The following BNIP1 variants were observed in gnomAD, a reference collection of about 807,000 sequenced individuals.
BNIP1 encodes BCL2 interacting protein 1.
In BNIP1, 25 loss-of-function variants were observed where a neutral mutation model predicts 28.5. The ratio of observed to expected loss-of-function variants is 0.88; its 90% CI spans 0.64 to 1.23. The LOEUF (loss-of-function observed/expected upper bound fraction) is 1.23. Among genes scored for constraint, BNIP1 ranks in the 50% most tolerant of loss-of-function variants. BNIP1 has a pLI of 0.00. For missense variants in BNIP1, 276 were observed against 277.0 expected, an observed-to-expected ratio of 1.00 and a Z score of 0.02; for synonymous variants, 118 against 101.7, an observed-to-expected ratio of 1.16 and a Z score of -0.96.
At chr5:173,157,408 C>G (rs948145685) in intron 3 of BNIP1, among the ~76,000 whole-genome samples, 1 of 151,868 alleles carries the variant, frequency 6.6e-6, no homozygotes, top group African/African-American at 2.4e-5. Context: ...CTATCAACAA[C>G]TGTCAACATT....
intron 2 of BNIP1, chr5:173,151,515 C>G (rs756766974): frequency 1.3e-6 from 2 of 1,562,236 alleles, no homozygotes; most frequent in Non-Finnish European, 1.7e-6. Flanking sequence ...GCCACCACAC[C>G]TGGTCTCTCA....
intron 4 of BNIP1, 121 bp downstream of exon 4, chr5:173,158,966 G>T: frequency 3.0e-6 from 2 of 657,878 alleles, no homozygotes; most frequent in South Asian, 2.8e-5. Context: ...ATTTTTTTAA[G>T]TTTGAAAAAA....
At chr5:173,158,631 C>T (rs1760273194) in intron 3 of BNIP1, 113 bp from the exon 4 acceptor site, 1 of 741,434 alleles carries the variant, frequency 1.3e-6, no homozygotes, top group Non-Finnish European at 2.2e-6. Context: ...GCTCTGAAGG[C>T]CGTGCCTGGT....
intron 5 of BNIP1, among the ~76,000 whole-genome samples, chr5:173,162,222 GTTTA>G (rs1760382456): frequency 6.6e-6 from 1 of 152,156 alleles, no homozygotes; most frequent in South Asian, 2.1e-4. Context: ...TTAGTAAGAT[GTTTA>G]TTTAACCCAT....
intron 1 of BNIP1, 29 bp downstream of exon 1, chr5:173,144,658 CCAGCAGCCCTA>C (rs1210756791): frequency 6.2e-7 from 1 of 1,611,450 alleles, no homozygotes; most frequent in South Asian, 1.1e-5. Context: ...CTGCCGGGCT[CCAGCAGCCCTA>C]ACCCAAGCTC....
At chr5:173,155,466 C>T (rs1370586939) in intron 3 of BNIP1, among the ~76,000 whole-genome samples, 2 of 152,072 alleles carry the variant, frequency 1.3e-5, no homozygotes, top group Non-Finnish European at 2.9e-5. Flanking sequence ...TTTGGGAGGC[C>T]GAGGTGGGCA....
intron 3 of BNIP1, among the ~76,000 whole-genome samples, chr5:173,154,680 G>A (rs892881259): frequency 6.6e-6 from 1 of 152,034 alleles, no homozygotes; most frequent in East Asian, 1.9e-4. Context: ...CCACCATCAC[G>A]CCTGGCTAAT....
intron 5 of BNIP1, among the ~76,000 whole-genome samples, chr5:173,162,513 C>T (rs1251436734): frequency 3.3e-5 from 5 of 152,036 alleles, no homozygotes; most frequent in African/African-American, 1.2e-4. Flanking sequence ...CCTGTAGTCC[C>T]AGCTACTGGG....
intron 2 of BNIP1, among the ~76,000 whole-genome samples, chr5:173,153,522 C>A (rs371045414): frequency 6.6e-6 from 1 of 152,134 alleles, no homozygotes; most frequent in Non-Finnish European, 1.5e-5. Context: ...CCACTGCGCC[C>A]GGCCGAGAAC....
At chr5:173,158,249 C>T (rs1760261270) in intron 3 of BNIP1, among the ~76,000 whole-genome samples, 1 of 152,092 alleles carries the variant, frequency 6.6e-6, no homozygotes, top group African/African-American at 2.4e-5. Context: ...TTATTTCCTA[C>T]AAAGTATATT....
intron 2 of BNIP1, among the ~76,000 whole-genome samples, chr5:173,150,161 G>A (rs1759975565): frequency 6.6e-6 from 1 of 151,994 alleles, no homozygotes; most frequent in African/African-American, 2.4e-5. Context: ...GGGTGGCTGA[G>A]GCATGAGAAT....
intron 1 of BNIP1, chr5:173,144,882 A>G (rs536731132): frequency 8.9e-6 from 4 of 449,058 alleles, no homozygotes; most frequent in Admixed American, 7.8e-5. Flanking sequence ...TGACTCAGCT[A>G]CTGCTTCGGG....
intron 2 of BNIP1, 22 bp downstream of exon 2, chr5:173,146,980 A>G (rs766419472): frequency 3.2e-6 from 5 of 1,579,898 alleles, no homozygotes; most frequent in Non-Finnish European, 1.7e-6. Flanking sequence ...CAATTCAGTC[A>G]ATGAAGGGGG....
At chr5:173,147,073 G>A in intron 2 of BNIP1, 115 bp downstream of exon 2, 1 of 802,450 alleles carries the variant, frequency 1.2e-6, no homozygotes, top group Admixed American at 2.2e-5. Flanking sequence ...CACTTAGACA[G>A]GGAGGGTGAC....
intron 5 of BNIP1, among the ~76,000 whole-genome samples, chr5:173,162,330 C>T (rs1057353739): frequency 1.3e-4 from 20 of 152,060 alleles, no homozygotes; most frequent in African/African-American, 2.2e-4. Flanking sequence ...TTTGAAACAT[C>T]GTGTGGATTT....
chr5:173,146,277 C>A (rs1272201950), intron 1 of BNIP1, among the ~76,000 whole-genome samples: 1 of 152,224 alleles, frequency 6.6e-6, no homozygotes, highest in Non-Finnish European at 1.5e-5. Context: ...TCATAAGTTG[C>A]TACAGCCAGG....
intron 5 of BNIP1, chr5:173,160,877 C>G (rs1194040759): frequency 4.4e-6 from 2 of 456,264 alleles, no homozygotes; most frequent in South Asian, 3.1e-5. Flanking sequence ...TTGAGACCAT[C>G]TGGTTTCCTC....
chr5:173,163,718 G>A lies in BNIP1; in HGVS notation c.491-7G>A. ...CTGAGTTGGGCCTCCTTCCTCTTTTGTTTCAGTCACTTCTTCACGAACGAT... is the reference window on the plus strand; with the variant it reads ...CTGAGTTGGGCCTCCTTCCTCTTTTATTTCAGTCACTTCTTCACGAACGAT... On this transcript the variant is annotated splice_region_variant and splice_polypyrimidine_tract_variant and intron_variant, in intron 5 of 5. Transcript: ENST00000351486. The A allele has an allele frequency of 5.7e-6, 9 of 1,580,942 alleles. No individual in the cohort carries two copies. Among genetic ancestry groups the A allele is most frequent in the Non-Finnish European group, 7.7e-6 (9 of 1,161,312 alleles).
In BNIP1 at chr5:173,164,184, G is replaced by T; in HGVS notation, c.*263G>T. 6.2e-6 allele frequency: 2 copies of T among 320,278 alleles called. No individual in the cohort carries two copies. Among genetic ancestry groups the T allele is most frequent in the Non-Finnish European group, 1.1e-5 (2 of 176,566 alleles). 19.8% of individuals were successfully genotyped at this position (320,278 alleles called of 1,614,324 possible). A position where few individuals can be genotyped will look rare whatever the true frequency, so the allele number is the denominator to read the frequency against. ...CTTCCACCATTGTGCACTATGGGAGGCCGCTGCTGCGTGGAGCACTTAAAG... is the reference window on the plus strand; with the variant it reads ...CTTCCACCATTGTGCACTATGGGAGTCCGCTGCTGCGTGGAGCACTTAAAG... On this transcript the variant is annotated 3_prime_UTR_variant, in exon 6 of 6. Coordinates refer to ENST00000351486, the MANE Select transcript of BNIP1 (RefSeq NM_001205.3). This position sits in a 1 kb window ranked among gnomAD's most constrained non-coding sequence, Gnocchi z 4.0.
Sources: allele counts gnomAD v4.1 joint callset (sites outside exome capture counted in the v4.1 genomes callset), GRCh38; gene constraint gnomAD v4.1.1; non-coding constraint Gnocchi (gnomAD v3.1); transcripts MANE v1.5; gene names NCBI Gene and HGNC (gene_info 2026-07-23, HGNC 2026-07-21).